DLG1: variants seen among roughly 807,000 people sequenced by gnomAD.
The protein encoded by DLG1 is discs large MAGUK scaffold protein 1, also known as disks large homolog 1.
DLG1 carries 42 observed loss-of-function variants against 123.4 expected under a neutral mutation model. The ratio of observed to expected loss-of-function variants is 0.34; its 90% CI spans 0.27 to 0.44. The LOEUF (loss-of-function observed/expected upper bound fraction) is 0.44, where lower values mean the gene tolerates loss of function less well. Among genes scored for constraint, DLG1 ranks in the 20% least tolerant of loss-of-function variants. The pLI, the probability that DLG1 is intolerant of heterozygous loss-of-function variation, is 1.00. For synonymous variants in DLG1, 317 were observed against 356.2 expected (o/e 0.89, Z 1.24); for missense variants, 942 against 1,082.6 (o/e 0.87, Z 1.82).
intron 3 of DLG1, among the ~76,000 whole-genome samples, chr3:197,286,500 C>T (rs566461703): frequency 1.1e-3 from 160 of 152,226 alleles, no homozygotes; most frequent in Non-Finnish European, 1.7e-3. Flanking sequence ...ACTGACCTGA[C>T]GGGAGGCAGA....
At chr3:197,146,103 G>A (rs192714662) in intron 6 of DLG1, among the ~76,000 whole-genome samples, 5 of 151,958 alleles carry the variant, frequency 3.3e-5, no homozygotes, top group African/African-American at 1.2e-4. Flanking sequence ...TAACCAAGGA[G>A]GTGAAAGACC....
chr3:197,078,077 T>C (rs535030846), intron 17 of DLG1, among the ~76,000 whole-genome samples: 182 of 149,656 alleles, frequency 1.2e-3, no homozygotes, highest in Non-Finnish European at 2.1e-3. Flanking sequence ...TTTGGTAGGC[T>C]GAGGCAGGAG....
chr3:197,141,149 G>A (rs1329092512), intron 7 of DLG1, among the ~76,000 whole-genome samples: 1 of 152,148 alleles, frequency 6.6e-6, no homozygotes, highest in Non-Finnish European at 1.5e-5. Flanking sequence ...ATTAAACAGT[G>A]TAAACACCCA....
chr3:197,189,926 T>G (rs553074102), intron 5 of DLG1, among the ~76,000 whole-genome samples: 48 of 152,338 alleles, frequency 3.2e-4, no homozygotes, highest in African/African-American at 1.1e-3. Context: ...GTCTTAGAAC[T>G]GATGATAAAG....
intron 4 of DLG1, among the ~76,000 whole-genome samples, chr3:197,213,162 C>A (rs1732141171): frequency 6.6e-6 from 1 of 152,176 alleles, no homozygotes; most frequent in African/African-American, 2.4e-5. Context: ...TGTTAACAAT[C>A]TAAATGTCCA....
intron 12 of DLG1, among the ~76,000 whole-genome samples, chr3:197,119,142 A>AC (rs1774928206): frequency 6.6e-6 from 1 of 152,216 alleles, no homozygotes; most frequent in South Asian, 2.1e-4. Context: ...ACTTAGTTTT[A>AC]CTAAGCTAAT....
chr3:197,245,503 C>T (rs2150784736), intron 4 of DLG1, among the ~76,000 whole-genome samples: 1 of 152,254 alleles, frequency 6.6e-6, no homozygotes, highest in East Asian at 1.9e-4. Flanking sequence ...ACATATTAGA[C>T]AATTATCTGT....
chr3:197,132,110 C>CT (rs755501825), intron 10 of DLG1, among the ~76,000 whole-genome samples: 3 of 151,800 alleles, frequency 2.0e-5, no homozygotes, highest in Non-Finnish European at 4.4e-5. Flanking sequence ...AGCCTTCTCT[C>CT]TTTTTTCTTG....
intron 5 of DLG1, among the ~76,000 whole-genome samples, chr3:197,167,945 C>T (rs933308872): frequency 6.6e-6 from 1 of 152,134 alleles, no homozygotes; most frequent in Non-Finnish European, 1.5e-5. Context: ...CAGTCTCCAG[C>T]CCTAACAATA....
intron 13 of DLG1, among the ~76,000 whole-genome samples, chr3:197,114,775 G>A (rs1296834953): frequency 6.6e-6 from 1 of 152,122 alleles, no homozygotes; most frequent in Non-Finnish European, 1.5e-5. Context: ...GAGGTCAGGA[G>A]ATCGAGACCA....
intron 5 of DLG1, among the ~76,000 whole-genome samples, chr3:197,179,171 A>G (rs1263131035): frequency 6.6e-6 from 1 of 152,188 alleles, no homozygotes; most frequent in Non-Finnish European, 1.5e-5. Flanking sequence ...CAGAGCTGCA[A>G]TCCGGATGGT....
At chr3:197,059,549 G>A (rs550525467) in intron 23 of DLG1, among the ~76,000 whole-genome samples, 4 of 150,122 alleles carry the variant, frequency 2.7e-5, no homozygotes, top group African/African-American at 9.8e-5. Flanking sequence ...CTATTTTTTT[G>A]TCCCCTGAAA....
chr3:197,287,288 G>A (rs1553824683), intron 3 of DLG1, among the ~76,000 whole-genome samples: 4 of 152,122 alleles, frequency 2.6e-5, no homozygotes, highest in Non-Finnish European at 5.9e-5. Flanking sequence ...CTGCATGAGA[G>A]ATAAATAAAC....
intron 22 of DLG1, among the ~76,000 whole-genome samples, chr3:197,062,023 C>A (rs1435656322): frequency 1.3e-5 from 2 of 152,136 alleles, no homozygotes; most frequent in Non-Finnish European, 2.9e-5. Flanking sequence ...CTAATTTAAT[C>A]ATTTCTTCTA....
At chr3:197,256,221 T>G (rs1258377326) in intron 4 of DLG1, among the ~76,000 whole-genome samples, 1 of 152,240 alleles carries the variant, frequency 6.6e-6, no homozygotes, top group Non-Finnish European at 1.5e-5. Context: ...TGTAAAAGTC[T>G]AGAGAGTAAG....
intron 4 of DLG1, among the ~76,000 whole-genome samples, chr3:197,246,614 T>C (rs562923687): frequency 2.6e-5 from 4 of 152,196 alleles, no homozygotes; most frequent in Non-Finnish European, 2.9e-5. Flanking sequence ...AAACTTTTGA[T>C]AGGAAGGCCA....
intron 4 of DLG1, among the ~76,000 whole-genome samples, chr3:197,241,479 A>G (rs539544588): frequency 6.6e-6 from 1 of 152,336 alleles, no homozygotes; most frequent in South Asian, 2.1e-4. Flanking sequence ...TTGAAGGTGT[A>G]AAACCCACTG....
intron 4 of DLG1, among the ~76,000 whole-genome samples, chr3:197,232,615 T>A (rs1743804484): frequency 6.6e-6 from 1 of 152,076 alleles, no homozygotes; most frequent in South Asian, 2.1e-4. Context: ...GCAAATGAAC[T>A]TGTTAGAAAT....
chr3:197,244,665 G>A (rs562704278), intron 4 of DLG1, among the ~76,000 whole-genome samples: 150 of 151,832 alleles, frequency 9.9e-4, no homozygotes, highest in African/African-American at 3.2e-3. Flanking sequence ...TGAAGATGGC[G>A]ATGCTTTTTT....
Sources: gnomAD v4.1 joint callset for allele counts (sites outside exome capture counted in the v4.1 genomes callset) on GRCh38, gnomAD v4.1.1 for gene constraint, MANE v1.5 for transcripts, NCBI Gene and HGNC (gene_info 2026-07-23, HGNC 2026-07-21) for gene names.